The following FUT9 variants were observed in gnomAD, a reference collection of about 807,000 sequenced individuals.
The protein encoded by FUT9 is fucosyltransferase 9, also known as 4-galactosyl-N-acetylglucosaminide 3-alpha-L-fucosyltransferase 9.
A neutral mutation model predicts 29.7 loss-of-function variants in FUT9; 15 were observed. The ratio of observed to expected loss-of-function variants is 0.51; its 90% CI spans 0.34 to 0.78. The LOEUF is 0.78. FUT9 is among the 30% of genes least tolerant of loss of function. The pLI, the probability that FUT9 is intolerant of heterozygous loss-of-function variation, is 0.01. For synonymous variants in FUT9, 169 were observed against 153.7 expected, an observed-to-expected ratio of 1.10 and a Z score of -0.74; for missense variants, 319 against 425.4, an observed-to-expected ratio of 0.75 and a Z score of 2.20.
Position 96,157,127 on chromosome 6 carries a change from G to T in FUT9, c.-9+43000G>T, listed in dbSNP as rs150382850. Among the ~76,000 whole-genome samples the T allele has an allele frequency of 5.1e-4, 78 of 152,256 alleles. 1 individual carries two copies. The East Asian group carries it at 0.014, about 28-fold the overall frequency. On this transcript the variant is annotated intron_variant, in intron 2 of 2. Coordinates refer to ENST00000302103, the MANE Select transcript of FUT9 (RefSeq NM_006581.4). ...AGAGAAAGACATGAAACTATGACTG[G>T]CTAAAAAGGCTAACTAAGATGTGTG...
chr6:96,182,610 C>G lies in FUT9; in HGVS notation c.-8-20538C>G, dbSNP rs376062662. Reference sequence around the variant, plus strand: ...ACTCAGGTTTAAGCCCTTGATCCATCTTGTGTATAGCAAGAGATGAGGATC... The same window carrying G: ...ACTCAGGTTTAAGCCCTTGATCCATGTTGTGTATAGCAAGAGATGAGGATC... On this transcript the variant is annotated intron_variant, in intron 2 of 2. Coordinates refer to ENST00000302103, the MANE Select transcript of FUT9 (RefSeq NM_006581.4). 5.9e-4 allele frequency among the ~76,000 whole-genome samples: 88 copies of G among 150,418 alleles called. 1 individual carries two copies. The South Asian group carries it at 9.2e-3, about 16-fold the overall frequency.
At chr6:96,173,346 C>T (rs1211393138) in intron 2 of FUT9, among the ~76,000 whole-genome samples, 1 of 152,022 alleles carries the variant, frequency 6.6e-6, no homozygotes, top group Non-Finnish European at 1.5e-5. Flanking sequence ...GTCTGCCATT[C>T]TCCACTAAAA....
chr6:96,184,110 C>T lies in FUT9; in HGVS notation c.-8-19038C>T, dbSNP rs180781540. Among the ~76,000 whole-genome samples, 295 of 152,006 alleles carry T rather than the reference C, an allele frequency of 1.9e-3. 2 individuals are homozygous for T. Among genetic ancestry groups the T allele is most frequent in the African/African-American group, 6.4e-3 (267 of 41,500 alleles). ...TGTTGTTGGTAATTTTTTATTATTACCATTTCAATCTCACTGCTTGTTTTT... is the reference window on the plus strand; with the variant it reads ...TGTTGTTGGTAATTTTTTATTATTATCATTTCAATCTCACTGCTTGTTTTT... On this transcript the variant is annotated intron_variant, in intron 2 of 2. Coordinates refer to ENST00000302103, the MANE Select transcript of FUT9 (RefSeq NM_006581.4).
chr6:96,072,314 T>C (rs76584983), intron 1 of FUT9, among the ~76,000 whole-genome samples: 4,207 of 152,258 alleles, frequency 0.028, 219 homozygotes, highest in African/African-American at 0.095. Flanking sequence ...AGTCAGAGCA[T>C]AGGAATGACT....
At chr6:96,122,999 GC>G (rs1772058829) in intron 2 of FUT9, among the ~76,000 whole-genome samples, 1 of 132,528 alleles carries the variant, frequency 7.5e-6, no homozygotes, top group South Asian at 2.4e-4. Flanking sequence ...GGGGGAGCTT[GC>G]AGTGAGCCGA....
chr6:96,157,004 T>G (rs1020894355), intron 2 of FUT9, among the ~76,000 whole-genome samples: 3 of 152,180 alleles, frequency 2.0e-5, no homozygotes, highest in African/African-American at 7.2e-5. Context: ...ATTAAATTTG[T>G]GTTGGTTCTT....
chr6:96,157,709 A>G (rs9404331), intron 2 of FUT9, among the ~76,000 whole-genome samples: 26,445 of 152,018 alleles, frequency 0.17, 2,609 homozygotes, highest in East Asian at 0.24. Context: ...TGTTTTATAA[A>G]ACAGGAATAA....
intron 2 of FUT9, among the ~76,000 whole-genome samples, chr6:96,158,324 T>C (rs1369164132): frequency 1.3e-5 from 2 of 152,130 alleles, no homozygotes; most frequent in Non-Finnish European, 2.9e-5. Context: ...GTGTATGATG[T>C]TAAACCAATA....
chr6:96,081,087 T>A (rs913251698), intron 1 of FUT9, among the ~76,000 whole-genome samples: 1 of 151,876 alleles, frequency 6.6e-6, no homozygotes, highest in Non-Finnish European at 1.5e-5. Flanking sequence ...CTATTCACAC[T>A]AGGATTTATT....
At position 96,203,155 on chromosome 6, in the gene FUT9, T is replaced by C. The variant is rs779230731; in HGVS notation, c.-1T>C. ...TCTTTCTCTATTTCGTAGGAAAAAT[T>C]ATGACATCAACATCCAAAGGAATTC... is the stretch of plus-strand genomic sequence containing the variant. On this transcript the variant is annotated 5_prime_UTR_variant, in exon 3 of 3. Transcript: ENST00000302103. 9 of 1,585,254 alleles carry C rather than the reference T, an allele frequency of 5.7e-6. No homozygotes were observed. The highest frequency in any genetic ancestry group is 7.8e-6 in the Non-Finnish European group (9 of 1,160,974).
At chr6:96,147,897 GA>G (rs541956253) in intron 2 of FUT9, among the ~76,000 whole-genome samples, 4 of 150,196 alleles carry the variant, frequency 2.7e-5, no homozygotes, top group African/African-American at 7.4e-5. Context: ...TAATATTTCA[GA>G]AAAAAAAGTG....
rs1269712824 is a variant in FUT9 at position 96,108,581 on chromosome 6, G to GT, written c.-97-5458_-97-5457insT. On this transcript the variant is annotated intron_variant, in intron 1 of 2. Transcript: ENST00000302103. ...GAATCAAGCTCTCAGCATGACCCAG[G>GT]GGTTCTCCAGCTCACCTTCACTGCC... Among the ~76,000 whole-genome samples the GT allele has an allele frequency of 5.8e-4, 88 of 152,128 alleles. 1 individual carries two copies. The highest frequency in any genetic ancestry group is 2.0e-3 in the African/African-American group (84 of 41,520).
chr6:96,211,033 A>T lies in FUT9; in HGVS notation c.*6798A>T, dbSNP rs1773927246. 6.0e-6 allele frequency: 1 copy of T among 166,920 alleles called. No homozygotes were observed. The highest frequency in any genetic ancestry group is 6.6e-5 in the Admixed American group (1 of 15,232). 10.3% of individuals were successfully genotyped at this position (166,920 alleles called of 1,614,324 possible). On this transcript the variant is annotated 3_prime_UTR_variant, in exon 3 of 3. Coordinates refer to ENST00000302103, the MANE Select transcript of FUT9 (RefSeq NM_006581.4). Reference sequence around the variant, plus strand: ...ATCCAGTGCTATTTTCACAATTTTAATTCTAAAACTCTGAAGACATTAAAC... The same window carrying T: ...ATCCAGTGCTATTTTCACAATTTTATTTCTAAAACTCTGAAGACATTAAAC...
At chr6:96,077,248 C>A (rs879812564) in intron 1 of FUT9, among the ~76,000 whole-genome samples, 1 of 152,040 alleles carries the variant, frequency 6.6e-6, no homozygotes. Context: ...ACATACACAT[C>A]CCTTTTACCC....
chr6:96,058,225 T>G (rs2127942201), intron 1 of FUT9, among the ~76,000 whole-genome samples: 1 of 152,218 alleles, frequency 6.6e-6, no homozygotes, highest in South Asian at 2.1e-4. Flanking sequence ...AAGGCAGTAC[T>G]TCTATGAATA....
At position 96,203,686 on chromosome 6, in the gene FUT9, C is replaced by T. The variant is rs375082399; in HGVS notation, c.531C>T (p.Pro177=). The T allele has an allele frequency of 1.7e-5, 27 of 1,614,002 alleles. No individual in the cohort carries two copies. The African/African-American group carries it at 2.9e-4, about 18-fold the overall frequency. The part of the protein sequence containing the change: ...PYGFLTVSTN[P]FVFEVPSKEK... ...GCTTCTTGACGGTAAGCACAAATCC[C>T]TTCGTGTTTGAAGTGCCAAGCAAAG... Residue 177 remains proline, a synonymous_variant, in exon 3 of 3, where the codon CCC becomes CCT. Coordinates refer to ENST00000302103, the MANE Select transcript of FUT9 (RefSeq NM_006581.4).
intron 1 of FUT9, among the ~76,000 whole-genome samples, chr6:96,043,108 G>GAT (rs1770493548): frequency 6.6e-6 from 1 of 152,150 alleles, no homozygotes; most frequent in African/African-American, 2.4e-5. Context: ...CTGGAGTGCG[G>GAT]TGGCGCGATC....
intron 1 of FUT9, among the ~76,000 whole-genome samples, chr6:96,113,699 A>C (rs180969699): frequency 0.04 from 6,133 of 151,590 alleles, 173 homozygotes; most frequent in South Asian, 0.12. Context: ...AAAAATACAA[A>C]AAAAATTAGC....
rs1773761554 is a variant in FUT9, at chr6:96,203,255, A to G, written c.100A>G (p.Asn34Asp). The change falls in exon 3 of 3, where the codon AAC (asparagine) becomes GAC (aspartate). Residue 34 changes from asparagine to aspartate, a missense_variant. Physicochemically the swap from Asn to Asp is conservative, Grantham distance 23. Transcript: ENST00000302103. ...ACLLIYIKPTNSWIFSPMESA... is the reference protein window; with the variant it reads ...ACLLIYIKPTDSWIFSPMESA... ...TCTTCTCATTTACATCAAACCTACC[A>G]ACAGCTGGATCTTCAGTCCAATGGA... 1 of 1,613,836 alleles carries G rather than the reference A, an allele frequency of 6.2e-7. No homozygotes were observed. The highest frequency in any genetic ancestry group is 1.3e-5 in the African/African-American group (1 of 74,902).
Sources: allele counts gnomAD v4.1 joint callset (sites outside exome capture counted in the v4.1 genomes callset), GRCh38; gene constraint gnomAD v4.1.1; transcripts MANE v1.5; gene names NCBI Gene and HGNC (gene_info 2026-07-23, HGNC 2026-07-21).